EPHA6: variants seen among roughly 807,000 people sequenced by gnomAD.
The protein encoded by EPHA6 is EPH receptor A6.
EPHA6 carries 50 observed loss-of-function variants against 112.0 expected under a neutral mutation model. That is an observed-to-expected ratio of 0.45 (90% CI 0.36 to 0.56). The LOEUF (loss-of-function observed/expected upper bound fraction) is 0.56, where lower values mean the gene tolerates loss of function less well. Among genes scored for constraint, EPHA6 ranks in the 20% least tolerant of loss-of-function variants. The pLI is 0.00. For synonymous variants in EPHA6, 529 were observed against 490.7 expected, an observed-to-expected ratio of 1.08 and a Z score of -1.03; for missense variants, 1,280 against 1,417.4, an observed-to-expected ratio of 0.90 and a Z score of 1.56.
chr3:96,972,423 A>AC (rs2042349594), intron 2 of EPHA6, among the ~76,000 whole-genome samples: 6 of 74,916 alleles, frequency 8.0e-5, no homozygotes, highest in African/African-American at 3.9e-4. Context: ...ACACACACAC[A>AC]AACACACACA....
intron 3 of EPHA6, among the ~76,000 whole-genome samples, chr3:97,097,261 T>A (rs529645385): frequency 6.6e-6 from 1 of 151,880 alleles, no homozygotes; most frequent in Admixed American, 6.6e-5. Flanking sequence ...AAATATTTTT[T>A]AAGAAATGAC....
rs550134224 is a variant in EPHA6 at position 97,755,276 on chromosome 3, T to C, written c.*6575T>C. Among the ~76,000 whole-genome samples, 35 of 152,290 alleles carry C rather than the reference T, an allele frequency of 2.3e-4. No individual in the cohort carries two copies. Among genetic ancestry groups the C allele is most frequent in the Non-Finnish European group, 4.7e-4 (32 of 68,000 alleles). On this transcript the variant is annotated 3_prime_UTR_variant, in exon 18 of 18. Coordinates refer to ENST00000389672, the MANE Select transcript of EPHA6 (RefSeq NM_001080448.3). ...TTCTATATTTAATTAAAAAATAAGG[T>C]ATAAATTAACAACACAATCTTCTCA... is the stretch of plus-strand genomic sequence containing the variant.
intron 2 of EPHA6, among the ~76,000 whole-genome samples, chr3:96,944,956 C>CA (rs1206540162): frequency 6.6e-6 from 1 of 152,054 alleles, no homozygotes; most frequent in Non-Finnish European, 1.5e-5. Flanking sequence ...AAACAAACAA[C>CA]AAAAACAAAA....
At chr3:97,358,670 C>G (rs549969394) in intron 5 of EPHA6, among the ~76,000 whole-genome samples, 1 of 151,960 alleles carries the variant, frequency 6.6e-6, no homozygotes, top group East Asian at 1.9e-4. Context: ...CATATGGCCT[C>G]AAGTTACTTA....
At chr3:97,601,718 G>T (rs774429080) in intron 12 of EPHA6, among the ~76,000 whole-genome samples, 17 of 151,812 alleles carry the variant, frequency 1.1e-4, no homozygotes, top group Middle Eastern at 6.8e-3. Flanking sequence ...GGGGTGGGGG[G>T]AAGGAAAGTA....
intron 14 of EPHA6, chr3:97,648,712 T>G: frequency 5.5e-6 from 5 of 901,224 alleles, no homozygotes; most frequent in Non-Finnish European, 6.8e-6. Context: ...GTAAAAAGTT[T>G]GCAGCGAGAA....
At chr3:97,421,486 C>T (rs1012116831) in intron 6 of EPHA6, among the ~76,000 whole-genome samples, 3 of 151,978 alleles carry the variant, frequency 2.0e-5, no homozygotes, top group African/African-American at 7.2e-5. Flanking sequence ...TATAGAAAGA[C>T]ATTAAAAACA....
intron 4 of EPHA6, among the ~76,000 whole-genome samples, chr3:97,233,135 T>C (rs2078579361): frequency 6.6e-6 from 1 of 152,022 alleles, no homozygotes. Context: ...TTTAGAGAGA[T>C]AGTTTAACAG....
chr3:97,330,834 C>A (rs1480487499), intron 5 of EPHA6, among the ~76,000 whole-genome samples: 1 of 152,036 alleles, frequency 6.6e-6, no homozygotes, highest in Non-Finnish European at 1.5e-5. Context: ...TTAGACAGAT[C>A]AACGAGACAG....
intron 2 of EPHA6, among the ~76,000 whole-genome samples, chr3:96,932,712 G>A (rs963279695): frequency 6.6e-6 from 1 of 152,134 alleles, no homozygotes; most frequent in Non-Finnish European, 1.5e-5. Context: ...AGCAAACTGA[G>A]CAGATGGTGG....
intron 2 of EPHA6, among the ~76,000 whole-genome samples, chr3:96,940,026 T>A (rs2107683153): frequency 6.6e-6 from 1 of 152,302 alleles, no homozygotes; most frequent in Middle Eastern, 3.4e-3. Context: ...CTTCCAACTA[T>A]GTGGTTAATT....
intron 2 of EPHA6, among the ~76,000 whole-genome samples, chr3:96,878,265 A>G (rs1004334562): frequency 3.9e-5 from 6 of 151,946 alleles, no homozygotes; most frequent in African/African-American, 1.4e-4. Context: ...CAGAATTGGC[A>G]AGGCACATTA....
rs186857587 is a variant in EPHA6 at position 97,156,998 on chromosome 3, G to A, written c.1115-69266G>A. Among the ~76,000 whole-genome samples, 695 of 152,104 alleles carry A rather than the reference G, an allele frequency of 4.6e-3. 5 individuals are homozygous for A. The highest frequency in any genetic ancestry group is 0.016 in the African/African-American group (675 of 41,560). ...AACTTTTAGAGTTACCACCATTCTT[G>A]CTTAAGAAGTACAGTTTCATATTGA... On this transcript the variant is annotated intron_variant, in intron 3 of 17. Transcript: ENST00000389672.
chr3:97,529,680 C>T (rs1026220896), intron 10 of EPHA6, among the ~76,000 whole-genome samples: 2 of 152,002 alleles, frequency 1.3e-5, no homozygotes, highest in Non-Finnish European at 2.9e-5. Flanking sequence ...TTCAAGCCTA[C>T]TGTAGATAAC....
intron 1 of EPHA6, 32 bp from the exon 2 acceptor site, chr3:96,866,793 T>C: frequency 7.8e-7 from 1 of 1,287,898 alleles, no homozygotes. Context: ...GTTGAGAAAT[T>C]CATGGAATTT....
intron 7 of EPHA6, among the ~76,000 whole-genome samples, chr3:97,457,716 C>A (rs569146003): frequency 2.3e-4 from 35 of 151,994 alleles, no homozygotes; most frequent in African/African-American, 8.0e-4. Context: ...ACTGAATGGA[C>A]AAATGTTTAT....
chr3:97,411,580 G>C (rs2087719888), intron 6 of EPHA6, among the ~76,000 whole-genome samples: 1 of 151,868 alleles, frequency 6.6e-6, no homozygotes, highest in South Asian at 2.1e-4. Flanking sequence ...AAAAATAGTT[G>C]GTAAAACTAA....
intron 14 of EPHA6, among the ~76,000 whole-genome samples, chr3:97,655,975 G>GT (rs902260706): frequency 2.4e-4 from 36 of 147,724 alleles, no homozygotes; most frequent in South Asian, 8.6e-4. Flanking sequence ...ACCTCAAAAT[G>GT]TTTTTTTTTT....
chr3:96,833,533 C>T (rs2034215913), intron 1 of EPHA6, among the ~76,000 whole-genome samples: 1 of 151,896 alleles, frequency 6.6e-6, no homozygotes, highest in Non-Finnish European at 1.5e-5. Context: ...TATAGCTAGG[C>T]ATTGTGGCTC....
Sources: gnomAD v4.1 joint callset for allele counts (sites outside exome capture counted in the v4.1 genomes callset) on GRCh38, gnomAD v4.1.1 for gene constraint, MANE v1.5 for transcripts, NCBI Gene and HGNC (gene_info 2026-07-23, HGNC 2026-07-21) for gene names.